The following ERAP1 variants were observed in gnomAD, a reference collection of about 807,000 sequenced individuals.
ERAP1 encodes endoplasmic reticulum aminopeptidase 1, also known as adipocyte-derived leucine aminopeptidase.
In ERAP1, 86 loss-of-function variants were observed where a neutral mutation model predicts 103.7. The ratio of observed to expected loss-of-function variants is 0.83; its 90% CI spans 0.70 to 0.99. ERAP1 has a LOEUF of 0.99. Ranked by LOEUF, ERAP1 falls within the 50% of genes least tolerant of loss-of-function variation. The pLI is 0.00. For missense variants in ERAP1, 1,009 were observed against 1,128.4 expected (o/e 0.89, Z 1.52); for synonymous variants, 398 against 402.4 (o/e 0.99, Z 0.13).
the ERAP1 span, among the ~76,000 whole-genome samples, chr5:96,870,523 C>T: frequency 6.6e-6 from 1 of 152,244 alleles, no homozygotes; most frequent in African/African-American, 2.4e-5. Context: ...AAGCCCTGCC[C>T]CATGAAACTC....
rs7718815 is a variant in ERAP1, at chr5:96,794,780, T to C, written c.919+262A>G. 5.1e-3 allele frequency among the ~76,000 whole-genome samples: 770 copies of C among 152,268 alleles called. 5 individuals are homozygous for C. The highest frequency in any genetic ancestry group is 0.018 in the African/African-American group (736 of 41,552). ...CTTCCCTCTGCTGTCTGCCCACTAA[T>C]AAAATCAGAAGGCAAAAGAGTCCCC... On this transcript the variant is annotated intron_variant, in intron 5 of 18. Transcript: ENST00000443439.
At chr5:96,798,132 T>C (rs191239636) in intron 3 of ERAP1, among the ~76,000 whole-genome samples, 3 of 152,156 alleles carry the variant, frequency 2.0e-5, no homozygotes, top group Admixed American at 2.0e-4. Flanking sequence ...GAGACCATCC[T>C]GGCTAACACG....
chr5:96,815,381 T>G, the ERAP1 span, among the ~76,000 whole-genome samples: 16 of 145,216 alleles, frequency 1.1e-4, no homozygotes, highest in Admixed American at 2.7e-4. Flanking sequence ...TATTAAGGTG[T>G]TGTTGTTGTT....
the ERAP1 span, among the ~76,000 whole-genome samples, chr5:96,922,239 A>T: frequency 2.0e-5 from 3 of 152,338 alleles, 1 homozygote; most frequent in South Asian, 6.2e-4. Flanking sequence ...CGGAGCTTGC[A>T]GTGAGCCGAG....
chr5:96,903,356 A>G, the ERAP1 span: 1 of 1,582,802 alleles, frequency 6.3e-7, no homozygotes, highest in Non-Finnish European at 8.6e-7. Flanking sequence ...TAAAATGCCT[A>G]TGCCAATCTT....
At chr5:96,886,595 A>C in the ERAP1 span, 4 of 1,392,746 alleles carry the variant, frequency 2.9e-6, no homozygotes, top group Non-Finnish European at 3.9e-6. Context: ...CATAAGTCAT[A>C]GGCATGGTTA....
intron 10 of ERAP1, among the ~76,000 whole-genome samples, chr5:96,789,266 C>G (rs989012246): frequency 3.9e-5 from 6 of 152,148 alleles, no homozygotes; most frequent in Admixed American, 3.9e-4. Context: ...TTGGGTGGAT[C>G]ACCTGAGGTC....
upstream of ERAP1, among the ~76,000 whole-genome samples, chr5:96,809,227 C>T (rs926006779): frequency 1.3e-5 from 2 of 152,160 alleles, no homozygotes; most frequent in African/African-American, 4.8e-5. Context: ...GTCTTTATGA[C>T]CTGTGTCTTG....
the ERAP1 span, among the ~76,000 whole-genome samples, chr5:96,814,988 C>CT: frequency 6.6e-6 from 1 of 152,194 alleles, no homozygotes; most frequent in Non-Finnish European, 1.5e-5. Context: ...ACCCAAAGTA[C>CT]TAACCAGCTC....
At chr5:96,768,106 C>A (rs1770704947) in intron 19 of ERAP1, 2 of 780,396 alleles carry the variant, frequency 2.6e-6, no homozygotes, top group South Asian at 2.9e-5. Flanking sequence ...TGTCTTGTAA[C>A]AGGGTCTTAC....
chr5:96,883,803 T>C, the ERAP1 span: 1 of 1,610,644 alleles, frequency 6.2e-7, no homozygotes, highest in Non-Finnish European at 8.5e-7. Flanking sequence ...ATTCTTGCAG[T>C]AACAGATTTT....
At chr5:96,763,152 T>G (rs759703583) in exon 20 of ERAP1, 1 of 780,478 alleles carries the variant, frequency 1.3e-6, no homozygotes, top group East Asian at 2.4e-5. Context: ...CCGTTTGATG[T>G]AGCATCAAAG....
chr5:96,933,588 A>T, the ERAP1 span, among the ~76,000 whole-genome samples: 1 of 152,140 alleles, frequency 6.6e-6, no homozygotes, highest in African/African-American at 2.4e-5. Context: ...GTCTCTGCAG[A>T]GTTGGGATAT....
chr5:96,841,191 A>G, the ERAP1 span, among the ~76,000 whole-genome samples: 1 of 152,168 alleles, frequency 6.6e-6, no homozygotes, highest in Non-Finnish European at 1.5e-5. Flanking sequence ...ACATTATCTG[A>G]AAAAGGATAG....
chr5:96,803,976 A>G (rs186576708), intron 1 of ERAP1, 33 bp from the exon 2 acceptor site: 260 of 1,595,232 alleles, frequency 1.6e-4, no homozygotes, highest in Middle Eastern at 1.4e-3. Context: ...GCAAAAATAT[A>G]TGTCATTAAA....
chr5:96,819,695 T>A, the ERAP1 span, among the ~76,000 whole-genome samples: 1 of 152,186 alleles, frequency 6.6e-6, no homozygotes, highest in African/African-American at 2.4e-5. Context: ...CAATTAGAAG[T>A]ATGACATACA....
chr5:96,833,863 C>T, the ERAP1 span, among the ~76,000 whole-genome samples: 2 of 151,596 alleles, frequency 1.3e-5, no homozygotes, highest in Non-Finnish European at 2.9e-5. Flanking sequence ...CCTTCAGGTT[C>T]AGCCCTCCAT....
intron 11 of ERAP1, 121 bp downstream of exon 11, chr5:96,788,410 C>G (rs1299427667): frequency 1.4e-5 from 17 of 1,217,268 alleles, no homozygotes; most frequent in Non-Finnish European, 2.0e-5. Flanking sequence ...TCATAGGATA[C>G]ACAGATGCAG....
chr5:96,800,592 T>G (rs1777871241), intron 3 of ERAP1, among the ~76,000 whole-genome samples: 2 of 152,218 alleles, frequency 1.3e-5, no homozygotes, highest in Admixed American at 1.3e-4. Context: ...AAACCTGACC[T>G]GAATTTCTTA....
Sources: allele counts gnomAD v4.1 joint callset (sites outside exome capture counted in the v4.1 genomes callset), GRCh38; gene constraint gnomAD v4.1.1; transcripts MANE v1.5; gene names NCBI Gene and HGNC (gene_info 2026-07-23, HGNC 2026-07-21).